TENM3: variants seen among roughly 807,000 people sequenced by gnomAD.
The protein encoded by TENM3 is teneurin-3.
TENM3 carries 63 observed loss-of-function variants against 255.1 expected under a neutral mutation model. That is an observed-to-expected ratio of 0.25 (90% CI 0.20 to 0.30). The LOEUF (loss-of-function observed/expected upper bound fraction) is 0.30. Among genes scored for constraint, TENM3 ranks in the 10% least tolerant of loss-of-function variants. TENM3 has a pLI of 1.00. For synonymous variants in TENM3, 1,306 were observed against 1,322.3 expected (o/e 0.99, Z 0.27); for missense variants, 2,929 against 3,461.1 (o/e 0.85, Z 3.86).
intron 12 of TENM3, among the ~76,000 whole-genome samples, chr4:182,705,133 A>G (rs930393962): frequency 1.3e-5 from 2 of 152,202 alleles, no homozygotes; most frequent in South Asian, 2.1e-4. Flanking sequence ...TGATTTAAAC[A>G]GTTGCTGATT....
At chr4:182,406,709 T>A (rs1769607812) in intron 3 of TENM3, among the ~76,000 whole-genome samples, 1 of 152,236 alleles carries the variant, frequency 6.6e-6, no homozygotes, top group Non-Finnish European at 1.5e-5. Context: ...TCTAACTCCT[T>A]CACGTGTATC....
chr4:182,336,625 C>T (rs1764157374), intron 2 of TENM3, among the ~76,000 whole-genome samples: 1 of 152,142 alleles, frequency 6.6e-6, no homozygotes, highest in African/African-American at 2.4e-5. Flanking sequence ...ATGGCCAGAT[C>T]TAGCTTGTTA....
the TENM3 span, among the ~76,000 whole-genome samples, chr4:181,578,925 G>A: frequency 6.6e-6 from 1 of 152,242 alleles, no homozygotes; most frequent in African/African-American, 2.4e-5. Context: ...TTTTTGGTAG[G>A]TGGGGAAGGG....
At chr4:182,306,679 C>G (rs907000110) in intron 1 of TENM3, among the ~76,000 whole-genome samples, 3 of 152,136 alleles carry the variant, frequency 2.0e-5, no homozygotes. Context: ...TTGCCAATAA[C>G]ATAATGGTAG....
the TENM3 span, among the ~76,000 whole-genome samples, chr4:181,661,917 AAC>A: frequency 1.7e-4 from 23 of 138,554 alleles, no homozygotes; most frequent in Admixed American, 5.6e-4. Flanking sequence ...AAAAAAAAAA[AAC>A]CTCATTCTGC....
the TENM3 span, among the ~76,000 whole-genome samples, chr4:182,073,806 T>G: frequency 6.6e-6 from 1 of 152,100 alleles, no homozygotes; most frequent in Admixed American, 6.5e-5. Context: ...AACTTCTTGG[T>G]CCAGGAAATT....
At chr4:182,047,560 CAA>C in the TENM3 span, among the ~76,000 whole-genome samples, 4 of 72,322 alleles carry the variant, frequency 5.5e-5, no homozygotes, top group Non-Finnish European at 7.4e-5. Context: ...GACTCCATCT[CAA>C]AAAAAAAAAA....
At chr4:182,041,832 G>A in the TENM3 span, among the ~76,000 whole-genome samples, 2 of 152,230 alleles carry the variant, frequency 1.3e-5, no homozygotes, top group South Asian at 4.2e-4. Flanking sequence ...TTACTTTCAC[G>A]AAGCTACAGT....
chr4:182,293,420 C>T (rs149330852), intron 1 of TENM3, among the ~76,000 whole-genome samples: 19 of 152,278 alleles, frequency 1.2e-4, no homozygotes, highest in African/African-American at 4.3e-4. Context: ...GGAGACCTTA[C>T]GTGGAATTCA....
At chr4:182,772,217 T>G (rs1764294686) in intron 22 of TENM3, among the ~76,000 whole-genome samples, 1 of 117,972 alleles carries the variant, frequency 8.5e-6, no homozygotes, top group Admixed American at 8.9e-5. Context: ...CATAAACAAG[T>G]GAAATTGAAA....
chr4:182,483,823 C>A (rs577214813), intron 3 of TENM3, among the ~76,000 whole-genome samples: 1 of 152,230 alleles, frequency 6.6e-6, no homozygotes, highest in South Asian at 2.1e-4. Context: ...GCATGTCTTA[C>A]ATAGCCAGAG....
chr4:181,787,921 G>A, the TENM3 span, among the ~76,000 whole-genome samples: 4 of 152,096 alleles, frequency 2.6e-5, no homozygotes, highest in Non-Finnish European at 5.9e-5. Flanking sequence ...CTTGAGCCCC[G>A]GAGGTCAAGG....
intron 4 of TENM3, among the ~76,000 whole-genome samples, chr4:182,627,289 C>T (rs1158507829): frequency 6.6e-6 from 1 of 151,982 alleles, no homozygotes; most frequent in Non-Finnish European, 1.5e-5. Flanking sequence ...ATACTATTAC[C>T]ATCCTCATTT....
chr4:181,720,345 A>G, the TENM3 span, among the ~76,000 whole-genome samples: 2 of 152,142 alleles, frequency 1.3e-5, no homozygotes, highest in African/African-American at 4.8e-5. Context: ...TTCTCCCAAG[A>G]TATTCCTATT....
intron 3 of TENM3, among the ~76,000 whole-genome samples, chr4:182,527,617 T>C (rs1739341848): frequency 1.3e-5 from 2 of 152,190 alleles, no homozygotes; most frequent in Non-Finnish European, 2.9e-5. Context: ...ATAGAAGAAA[T>C]ATAGTGATCG....
intron 5 of TENM3, among the ~76,000 whole-genome samples, chr4:182,640,712 A>G (rs1296280742): frequency 1.3e-5 from 2 of 152,196 alleles, no homozygotes; most frequent in Non-Finnish European, 2.9e-5. Context: ...AGTGTGGGCA[A>G]GTCTCCCAGG....
the TENM3 span, among the ~76,000 whole-genome samples, chr4:182,098,509 A>G: frequency 6.6e-6 from 1 of 152,260 alleles, no homozygotes; most frequent in Non-Finnish European, 1.5e-5. Flanking sequence ...AGCCATAAAA[A>G]GAATGAAATC....
intron 4 of TENM3, among the ~76,000 whole-genome samples, chr4:182,618,702 A>G (rs914524587): frequency 3.9e-5 from 6 of 152,112 alleles, no homozygotes; most frequent in African/African-American, 1.4e-4. Context: ...TGACTGAACA[A>G]ATAGAGGTGA....
chr4:182,523,799 C>T (rs10006322), intron 3 of TENM3, among the ~76,000 whole-genome samples: 5,398 of 149,560 alleles, frequency 0.036, 205 homozygotes, highest in African/African-American at 0.094. Context: ...TGAGTCAACT[C>T]CCCTTATTTT....
Sources: gnomAD v4.1 joint callset for allele counts (sites outside exome capture counted in the v4.1 genomes callset) on GRCh38, gnomAD v4.1.1 for gene constraint, MANE v1.5 for transcripts, NCBI Gene and HGNC (gene_info 2026-07-23, HGNC 2026-07-21) for gene names.